NCKAP1L: variants seen among roughly 807,000 people sequenced by gnomAD.
NCKAP1L encodes the protein nck-associated protein 1-like.
Under a neutral mutation model 139.2 loss-of-function variants are expected in NCKAP1L, and 53 were observed. That is an observed-to-expected ratio of 0.38 (90% CI 0.31 to 0.48). The LOEUF (loss-of-function observed/expected upper bound fraction) is 0.48, where lower values mean the gene tolerates loss of function less well. Ranked by LOEUF, NCKAP1L falls within the 20% of genes least tolerant of loss-of-function variation. The pLI is 0.98. For synonymous variants in NCKAP1L, 468 were observed against 499.7 expected (o/e 0.94, Z 0.85); for missense variants, 1,151 against 1,381.9 (o/e 0.83, Z 2.65).
chr12:54,506,796 A>ATATATATATATATATATATATAT (rs1555170865), intron 3 of NCKAP1L, among the ~76,000 whole-genome samples: 6 of 50,604 alleles, frequency 1.2e-4, no homozygotes, highest in Non-Finnish European at 1.5e-4. Context: ...AAAAAAAAAA[A>ATATATATATATATATATATATAT]ATATATATAT....
chr12:54,518,528 TTCTC>T, intron 13 of NCKAP1L, 119 bp from the exon 14 acceptor site: 1 of 820,110 alleles, frequency 1.2e-6, no homozygotes, highest in Non-Finnish European at 2.1e-6. Context: ...GCTTGGCTTT[TTCTC>T]TCTGTTTTTA....
rs1312303301 is a variant in NCKAP1L, at chr12:54,520,945, G to A, written c.1758+119G>A. 5 of 1,481,044 alleles carry A rather than the reference G, an allele frequency of 3.4e-6. No homozygotes were observed. In the East Asian group the frequency reaches 6.8e-5, roughly 20 times the overall value. The allele number at this position is 1,481,044 out of a possible 1,614,324, so 91.7% of individuals were successfully genotyped here. ...GGGTATAAACATAGATGTATGATATGAGTCCCTAAATATCTCAGCTTGATG... is the reference window on the plus strand; with the variant it reads ...GGGTATAAACATAGATGTATGATATAAGTCCCTAAATATCTCAGCTTGATG... On this transcript the variant is annotated intron_variant, in intron 17 of 30. Coordinates refer to ENST00000293373, the MANE Select transcript of NCKAP1L (RefSeq NM_005337.5).
At chr12:54,503,604 C>T (rs964499806) in intron 3 of NCKAP1L, among the ~76,000 whole-genome samples, 14 of 149,476 alleles carry the variant, frequency 9.4e-5, no homozygotes, top group African/African-American at 3.2e-4. Flanking sequence ...AGTATACACA[C>T]ATATATATAT....
chr12:54,542,739 T>G lies in NCKAP1L; in HGVS notation c.*54T>G. 2 of 1,255,076 alleles carry G rather than the reference T, an allele frequency of 1.6e-6. No individual in the cohort carries two copies. Among genetic ancestry groups the G allele is most frequent in the Admixed American group, 1.7e-5 (1 of 58,328 alleles). 77.7% of individuals were successfully genotyped at this position (1,255,076 alleles called of 1,614,324 possible). ...TTTGGACCTTCCTAAACCCTTGCCATAGTGGAAGCTGTGGTCACTTTCGCA... is the reference window on the plus strand; with the variant it reads ...TTTGGACCTTCCTAAACCCTTGCCAGAGTGGAAGCTGTGGTCACTTTCGCA... On this transcript the variant is annotated 3_prime_UTR_variant, in exon 31 of 31. Transcript: ENST00000293373.
intron 7 of NCKAP1L, chr12:54,510,477 C>T (rs1285799996): frequency 2.3e-5 from 5 of 219,096 alleles, no homozygotes; most frequent in South Asian, 9.9e-5. Context: ...GTGTGTGTGC[C>T]ACCATGGTTG....
At chr12:54,506,608 A>T (rs868549945) in intron 3 of NCKAP1L, among the ~76,000 whole-genome samples, 1,471 of 142,126 alleles carry the variant, frequency 0.01, 26 homozygotes, top group African/African-American at 0.034. Context: ...TTTTATTTTT[A>T]TTTTTAGTAG....
intron 16 of NCKAP1L, 34 bp from the exon 17 acceptor site, chr12:54,520,660 A>C (rs1343559922): frequency 6.2e-7 from 1 of 1,613,462 alleles, no homozygotes; most frequent in East Asian, 2.2e-5. Context: ...ATAAGGACTA[A>C]ATCTTGATTT....
intron 5 of NCKAP1L, among the ~76,000 whole-genome samples, chr12:54,509,368 G>A (rs2120896313): frequency 1.3e-5 from 2 of 152,114 alleles, no homozygotes; most frequent in South Asian, 4.1e-4. Context: ...GCATATTACT[G>A]GATTTTGAAC....
chr12:54,530,814 C>T (rs1405662109), intron 22 of NCKAP1L, among the ~76,000 whole-genome samples: 1 of 152,166 alleles, frequency 6.6e-6, no homozygotes, highest in Admixed American at 6.5e-5. Flanking sequence ...TATAATGTAT[C>T]TTATTTACTC....
intron 7 of NCKAP1L, chr12:54,510,205 A>C: frequency 1.7e-6 from 1 of 602,056 alleles, no homozygotes; most frequent in South Asian, 2.1e-5. Context: ...GTGATCTATA[A>C]GCAGTTAGCC....
chr12:54,515,127 G>C (rs150796300), intron 9 of NCKAP1L, among the ~76,000 whole-genome samples: 3 of 152,192 alleles, frequency 2.0e-5, no homozygotes, highest in African/African-American at 7.2e-5. Flanking sequence ...CACAATTCCA[G>C]GTTTCTGGAC....
chr12:54,509,398 G>C (rs1042029913), intron 5 of NCKAP1L, among the ~76,000 whole-genome samples: 1 of 152,152 alleles, frequency 6.6e-6, no homozygotes, highest in African/African-American at 2.4e-5. Flanking sequence ...GATTTATAGA[G>C]TACCTATCAT....
chr12:54,536,718 A>G (rs1388760494), intron 28 of NCKAP1L, among the ~76,000 whole-genome samples: 3 of 19,966 alleles, frequency 1.5e-4, no homozygotes, highest in South Asian at 6.7e-3. Context: ...CCTACCCTGA[A>G]AAAAAAAAAA....
chr12:54,516,147 G>T, intron 9 of NCKAP1L, 92 bp from the exon 10 acceptor site: 1 of 1,320,570 alleles, frequency 7.6e-7, no homozygotes, highest in Non-Finnish European at 1.1e-6. Flanking sequence ...TCCCACCAGG[G>T]TATAGGCTGG....
intron 16 of NCKAP1L, 72 bp downstream of exon 16, chr12:54,519,404 C>T (rs1956962737): frequency 4.4e-6 from 5 of 1,124,036 alleles, no homozygotes; most frequent in Admixed American, 3.0e-5. Flanking sequence ...TCCATTATGC[C>T]ACTTACTTCA....
At chr12:54,504,370 G>A (rs1956825364) in intron 3 of NCKAP1L, among the ~76,000 whole-genome samples, 1 of 152,192 alleles carries the variant, frequency 6.6e-6, no homozygotes, top group Non-Finnish European at 1.5e-5. Flanking sequence ...AAGAAGGACT[G>A]TAATGTATGA....
chr12:54,511,260 C>T (rs1201703152), intron 7 of NCKAP1L, among the ~76,000 whole-genome samples: 1 of 152,176 alleles, frequency 6.6e-6, no homozygotes, highest in Admixed American at 6.5e-5. Flanking sequence ...CTTGTTCTGA[C>T]TTCTAGTCCA....
At chr12:54,500,367 G>A (rs934100711) in intron 2 of NCKAP1L, among the ~76,000 whole-genome samples, 166 bp from the exon 3 acceptor site, 3 of 152,066 alleles carry the variant, frequency 2.0e-5, no homozygotes, top group East Asian at 1.9e-4. Flanking sequence ...CAGGTGATCC[G>A]CCTGCCTCGG....
chr12:54,534,115 G>A (rs537303933), intron 26 of NCKAP1L, among the ~76,000 whole-genome samples: 2 of 152,158 alleles, frequency 1.3e-5, no homozygotes, highest in South Asian at 2.1e-4. Flanking sequence ...AGAAGGTAAA[G>A]AGAAATGCAA....
Sources: allele counts gnomAD v4.1 joint callset (sites outside exome capture counted in the v4.1 genomes callset), GRCh38; gene constraint gnomAD v4.1.1; transcripts MANE v1.5; gene names NCBI Gene and HGNC (gene_info 2026-07-23, HGNC 2026-07-21).